Variants in CDKAL1 observed in about 807,000 individuals in gnomAD.
CDKAL1 encodes CDKAL1 threonylcarbamoyladenosine tRNA methylthiotransferase, also known as threonylcarbamoyladenosine tRNA methylthiotransferase.
Under a neutral mutation model 68.2 loss-of-function variants are expected in CDKAL1, and 32 were observed. The ratio of observed to expected loss-of-function variants is 0.47; its 90% CI spans 0.35 to 0.63. The LOEUF is 0.63. Ranked by LOEUF, CDKAL1 falls within the 30% of genes least tolerant of loss-of-function variation. CDKAL1 has a pLI of 0.00. For missense variants in CDKAL1, 606 were observed against 696.7 expected (o/e 0.87, Z 1.47); for synonymous variants, 234 against 244.3 (o/e 0.96, Z 0.39).
intron 5 of CDKAL1, among the ~76,000 whole-genome samples, chr6:20,731,875 C>T (rs1176090603): frequency 3.3e-5 from 5 of 152,064 alleles, no homozygotes. Flanking sequence ...TGTCATGGAG[C>T]CCCATCAGAC....
chr6:20,671,333 C>T (rs1562013230), intron 5 of CDKAL1, among the ~76,000 whole-genome samples: 1 of 152,090 alleles, frequency 6.6e-6, no homozygotes, highest in Non-Finnish European at 1.5e-5. Context: ...ATTCATGTCT[C>T]TTATTGTTTA....
chr6:20,601,711 G>A (rs1997778), intron 4 of CDKAL1, among the ~76,000 whole-genome samples: 122,917 of 152,128 alleles, frequency 0.81, 50,008 homozygotes, highest in Middle Eastern at 0.91. Flanking sequence ...AATTGCAGAT[G>A]AGAAAAGAAT....
At chr6:20,615,118 T>A (rs1317037925) in intron 4 of CDKAL1, among the ~76,000 whole-genome samples, 1 of 98,426 alleles carries the variant, frequency 1.0e-5, no homozygotes, top group Non-Finnish European at 2.0e-5. Context: ...CTCATCATTT[T>A]TTATGGCTGC....
At chr6:21,058,761 C>T (rs1434083033) in intron 11 of CDKAL1, among the ~76,000 whole-genome samples, 2 of 152,218 alleles carry the variant, frequency 1.3e-5, no homozygotes, top group African/African-American at 2.4e-5. Flanking sequence ...TGCAGAACAG[C>T]AAAGATGGCT....
intron 11 of CDKAL1, among the ~76,000 whole-genome samples, chr6:21,040,058 GTT>G (rs1185081441): frequency 2.0e-5 from 3 of 152,164 alleles, no homozygotes; most frequent in African/African-American, 7.2e-5. Flanking sequence ...TTGAGATGCT[GTT>G]CACTTTTGAT....
At chr6:21,081,522 G>A (rs899703407) in intron 12 of CDKAL1, among the ~76,000 whole-genome samples, 1 of 150,818 alleles carries the variant, frequency 6.6e-6, no homozygotes, top group Non-Finnish European at 1.5e-5. Flanking sequence ...TTAGAAGTGA[G>A]TAGACTCTTG....
At chr6:20,960,869 A>G (rs969060222) in intron 10 of CDKAL1, among the ~76,000 whole-genome samples, 1 of 152,220 alleles carries the variant, frequency 6.6e-6, no homozygotes, top group African/African-American at 2.4e-5. Context: ...ATAGCGATAG[A>G]TAGTATCTTT....
intron 6 of CDKAL1, among the ~76,000 whole-genome samples, chr6:20,755,941 G>T (rs1411602959): frequency 6.6e-6 from 1 of 152,080 alleles, no homozygotes; most frequent in Non-Finnish European, 1.5e-5. Flanking sequence ...TGAACTTCTG[G>T]TTACTTTACT....
intron 11 of CDKAL1, among the ~76,000 whole-genome samples, chr6:21,027,938 A>G (rs1027620147): frequency 1.2e-4 from 18 of 152,136 alleles, no homozygotes; most frequent in African/African-American, 4.1e-4. Context: ...TGGCCCAGAA[A>G]TCTGAGGTGG....
intron 8 of CDKAL1, among the ~76,000 whole-genome samples, chr6:20,793,940 C>T (rs1561783253): frequency 6.6e-6 from 1 of 150,876 alleles, no homozygotes; most frequent in Non-Finnish European, 1.5e-5. Context: ...CTTATTTGAA[C>T]AGCATCAGTA....
At position 20,667,569 on chromosome 6, in the gene CDKAL1, G is replaced by A. The variant is rs530307429; in HGVS notation, c.371+18192G>A. The stretch of plus-strand genomic sequence containing the variant: ...GGGCAGCTCCGACTTTATTAATTCA[G>A]TTGTTCAAAGATACTATCAAAGACC... On this transcript the variant is annotated intron_variant, in intron 5 of 15. Transcript: ENST00000274695. Among the ~76,000 whole-genome samples the A allele has an allele frequency of 1.1e-4, 17 of 152,234 alleles. No homozygotes were observed. The South Asian group carries it at 3.1e-3, about 28-fold the overall frequency.
intron 10 of CDKAL1, among the ~76,000 whole-genome samples, chr6:20,997,367 G>A (rs1471282550): frequency 6.6e-6 from 1 of 152,042 alleles, no homozygotes; most frequent in Non-Finnish European, 1.5e-5. Context: ...TGTCTCCTTG[G>A]GGACATTAAT....
intron 9 of CDKAL1, among the ~76,000 whole-genome samples, chr6:20,853,224 A>C (rs1759112679): frequency 6.6e-6 from 1 of 152,146 alleles, no homozygotes; most frequent in Non-Finnish European, 1.5e-5. Flanking sequence ...TCTACTAAAA[A>C]TACAAAAATT....
At chr6:20,944,084 C>T (rs1408737795) in intron 9 of CDKAL1, among the ~76,000 whole-genome samples, 1 of 152,192 alleles carries the variant, frequency 6.6e-6, no homozygotes, top group African/African-American at 2.4e-5. Flanking sequence ...AAACTCCAAC[C>T]TCTGTCTCTT....
At chr6:21,151,174 G>A (rs755207480) in intron 13 of CDKAL1, among the ~76,000 whole-genome samples, 20 of 152,192 alleles carry the variant, frequency 1.3e-4, no homozygotes, top group Non-Finnish European at 2.2e-4. Flanking sequence ...GGGGAGAAAT[G>A]TGACATTTAG....
At chr6:20,810,359 T>C (rs531219270) in intron 8 of CDKAL1, among the ~76,000 whole-genome samples, 1 of 141,914 alleles carries the variant, frequency 7.0e-6, no homozygotes, top group Admixed American at 7.2e-5. Flanking sequence ...CTGGGCAACA[T>C]AGTGAGAGTC....
chr6:20,856,084 A>T (rs1211568133), intron 9 of CDKAL1, among the ~76,000 whole-genome samples: 1 of 152,220 alleles, frequency 6.6e-6, no homozygotes, highest in Non-Finnish European at 1.5e-5. Context: ...GATGTATTTA[A>T]TGAAGATTCT....
At chr6:20,570,344 C>T (rs138338203) in intron 4 of CDKAL1, among the ~76,000 whole-genome samples, 11 of 151,942 alleles carry the variant, frequency 7.2e-5, no homozygotes, top group African/African-American at 2.4e-4. Context: ...CCCCATGATC[C>T]ATCCACCTCG....
chr6:20,931,597 A>G (rs946420331), intron 9 of CDKAL1, among the ~76,000 whole-genome samples: 1 of 152,206 alleles, frequency 6.6e-6, no homozygotes, highest in African/African-American at 2.4e-5. Context: ...TTTAGAACAC[A>G]TTCTAAAGAT....
Sources: allele counts gnomAD v4.1 joint callset (sites outside exome capture counted in the v4.1 genomes callset), GRCh38; gene constraint gnomAD v4.1.1; transcripts MANE v1.5; gene names NCBI Gene and HGNC (gene_info 2026-07-23, HGNC 2026-07-21).